DLGAP2: variants seen among roughly 807,000 people sequenced by gnomAD.
The protein encoded by DLGAP2 is DLG associated protein 2.
A neutral mutation model predicts 100.3 loss-of-function variants in DLGAP2; 26 were observed. That is an observed-to-expected ratio of 0.26 (90% CI 0.19 to 0.36). The LOEUF (loss-of-function observed/expected upper bound fraction) is 0.36, where lower values mean the gene tolerates loss of function less well. Ranked by LOEUF, DLGAP2 falls within the 10% of genes least tolerant of loss-of-function variation. DLGAP2 has a pLI of 1.00. For missense variants in DLGAP2, 1,858 were observed against 1,453.2 expected, an observed-to-expected ratio of 1.28 and a Z score of -4.53; for synonymous variants, 886 against 630.1, an observed-to-expected ratio of 1.41 and a Z score of -6.08.
At chr8:1,264,220 G>C (rs1799406953) in intron 3 of DLGAP2, among the ~76,000 whole-genome samples, 1 of 152,134 alleles carries the variant, frequency 6.6e-6, no homozygotes. Context: ...TTCCAACCAG[G>C]GGATCAGCAC....
At chr8:1,040,184 ATGGTCAGCTCAGTGTGCG>A (rs1380239872) in intron 2 of DLGAP2, among the ~76,000 whole-genome samples, 34 of 84,462 alleles carry the variant, frequency 4.0e-4, no homozygotes, top group African/African-American at 1.6e-3. Context: ...CTCGGTTTCC[ATGGTCAGCTCAGTGTGCG>A]TGGTCAGCTC....
At chr8:1,360,246 C>T (rs1801950607) in intron 3 of DLGAP2, among the ~76,000 whole-genome samples, 1 of 103,098 alleles carries the variant, frequency 9.7e-6, no homozygotes, top group South Asian at 3.9e-4. Context: ...CGGGGCTTCT[C>T]CGGGGCGGGG....
intron 3 of DLGAP2, among the ~76,000 whole-genome samples, chr8:1,293,214 CCT>C (rs1800099270): frequency 6.6e-6 from 1 of 152,160 alleles, no homozygotes; most frequent in Non-Finnish European, 1.5e-5. Flanking sequence ...TCTCTGTCTC[CCT>C]CTCACACACA....
intron 3 of DLGAP2, among the ~76,000 whole-genome samples, chr8:1,355,771 T>A (rs1801834349): frequency 6.6e-6 from 1 of 152,134 alleles, no homozygotes; most frequent in African/African-American, 2.4e-5. Context: ...GCCCCACAGC[T>A]GTGTGGCTCC....
chr8:1,317,352 C>T (rs1286212689), intron 3 of DLGAP2, among the ~76,000 whole-genome samples: 3 of 131,838 alleles, frequency 2.3e-5, no homozygotes, highest in Admixed American at 8.1e-5. Flanking sequence ...CAGTGGTCTA[C>T]ACTCGAGAAA....
At chr8:1,053,107 A>G (rs1010239592) in intron 2 of DLGAP2, among the ~76,000 whole-genome samples, 9 of 152,270 alleles carry the variant, frequency 5.9e-5, no homozygotes, top group East Asian at 5.8e-4. Flanking sequence ...GCCGTTTGCA[A>G]TTTCGCAATG....
intron 2 of DLGAP2, among the ~76,000 whole-genome samples, chr8:1,191,705 C>G (rs912527391): frequency 2.6e-5 from 4 of 152,128 alleles, no homozygotes; most frequent in African/African-American, 9.7e-5. Flanking sequence ...TTGCAACTAA[C>G]TCTTTAATTT....
At chr8:1,147,047 G>C (rs185935857) in intron 2 of DLGAP2, among the ~76,000 whole-genome samples, 1 of 152,108 alleles carries the variant, frequency 6.6e-6, no homozygotes, top group Non-Finnish European at 1.5e-5. Flanking sequence ...GCTTTGATTA[G>C]GAATTTATGG....
At chr8:746,885 C>T (rs757745289) in intron 1 of DLGAP2, among the ~76,000 whole-genome samples, 9 of 152,178 alleles carry the variant, frequency 5.9e-5, no homozygotes, top group East Asian at 1.9e-4. Context: ...AGGCATGATG[C>T]GAGGACGGTG....
intron 1 of DLGAP2, among the ~76,000 whole-genome samples, chr8:864,933 A>G (rs1266539672): frequency 1.3e-5 from 2 of 152,338 alleles, no homozygotes; most frequent in African/African-American, 4.8e-5. Flanking sequence ...ATTTCAAGTT[A>G]AATGTATTCT....
rs2130855420 is a variant in DLGAP2 at position 1,678,517 on chromosome 8, C to T, written c.2592C>T (p.Cys864=). The T allele has an allele frequency of 6.2e-7, 1 of 1,608,246 alleles. No homozygotes were observed. The highest frequency in any genetic ancestry group is 8.5e-7 in the Non-Finnish European group (1 of 1,177,360). The change falls in exon 12 of 15, where the codon TGC becomes TGT. Residue 864 remains cysteine (C), a synonymous_variant. Transcript: ENST00000637795. ...DTVETGRMSP[C]RRDGSWFLKL... ...TAGAGACTGGGAGGATGTCTCCGTG[C>T]CGCAGGGATGGCTCGTGGTTTTTGA...
chr8:1,671,968 T>C (rs1171199488), intron 10 of DLGAP2, among the ~76,000 whole-genome samples: 1 of 152,268 alleles, frequency 6.6e-6, no homozygotes, highest in African/African-American at 2.4e-5. Context: ...GACCTCGCTT[T>C]TCTTCATTCC....
chr8:1,264,286 G>C (rs1039863584), intron 3 of DLGAP2, among the ~76,000 whole-genome samples: 2 of 152,074 alleles, frequency 1.3e-5, no homozygotes, highest in East Asian at 3.9e-4. Flanking sequence ...CCTGGGATGG[G>C]GCTGGGGTTG....
At chr8:1,623,958 T>C (rs1797424875) in intron 6 of DLGAP2, among the ~76,000 whole-genome samples, 4 of 152,206 alleles carry the variant, frequency 2.6e-5, no homozygotes, top group Admixed American at 2.6e-4. Context: ...GAATATGTAT[T>C]TGAAACATAG....
At chr8:1,076,524 G>A (rs1803617785) in intron 2 of DLGAP2, among the ~76,000 whole-genome samples, 1 of 152,248 alleles carries the variant, frequency 6.6e-6, no homozygotes, top group Admixed American at 6.5e-5. Flanking sequence ...CTCGGAAGAT[G>A]GCCTCTGGGC....
chr8:1,251,977 CTTG>C (rs1799051031), intron 2 of DLGAP2, among the ~76,000 whole-genome samples: 1 of 152,220 alleles, frequency 6.6e-6, no homozygotes, highest in African/African-American at 2.4e-5. Context: ...TCATGTCACA[CTTG>C]TCACACTGTG....
At chr8:1,162,796 C>T (rs1481388566) in intron 2 of DLGAP2, among the ~76,000 whole-genome samples, 4 of 152,212 alleles carry the variant, frequency 2.6e-5, no homozygotes, top group East Asian at 1.9e-4. Context: ...GCGCTGTGGC[C>T]GCCAAACGGC....
chr8:913,202 C>T lies in DLGAP2; in HGVS notation c.73+5236C>T, dbSNP rs140982556. Among the ~76,000 whole-genome samples the T allele has an allele frequency of 1.5e-3, 225 of 152,276 alleles. 1 individual carries two copies. The highest frequency in any genetic ancestry group is 5.3e-3 in the African/African-American group (221 of 41,552). On this transcript the variant is annotated intron_variant, in intron 2 of 14. Coordinates refer to ENST00000637795, the MANE Select transcript of DLGAP2 (RefSeq NM_001346810.2). ...TTTATTAATGTTTCTGCATGTAGAGCTGTTGAAACAGAGTAGCCACTGGAG... is the reference window on the plus strand; with the variant it reads ...TTTATTAATGTTTCTGCATGTAGAGTTGTTGAAACAGAGTAGCCACTGGAG...
intron 12 of DLGAP2, among the ~76,000 whole-genome samples, chr8:1,681,831 A>C (rs1798954954): frequency 6.6e-6 from 1 of 151,862 alleles, no homozygotes; most frequent in Non-Finnish European, 1.5e-5. Context: ...AAATCACAGA[A>C]TAGTAGCGGT....
Sources: allele counts gnomAD v4.1 joint callset (sites outside exome capture counted in the v4.1 genomes callset), GRCh38; gene constraint gnomAD v4.1.1; transcripts MANE v1.5; gene names NCBI Gene and HGNC (gene_info 2026-07-23, HGNC 2026-07-21).